Variants in SLC25A28 observed in about 807,000 individuals in gnomAD.
SLC25A28 encodes the protein mitoferrin-2.
Under a neutral mutation model 31.9 loss-of-function variants are expected in SLC25A28, and 10 were observed. The ratio of observed to expected loss-of-function variants is 0.31; its 90% CI spans 0.19 to 0.53. The LOEUF (loss-of-function observed/expected upper bound fraction) is 0.53. SLC25A28 is among the 20% of genes least tolerant of loss of function. The probability of loss-of-function intolerance (pLI) is 0.95; values close to 1 mark genes in which losing one functional copy is unlikely to be tolerated. For synonymous variants in SLC25A28, 208 were observed against 203.6 expected, an observed-to-expected ratio of 1.02 and a Z score of -0.19; for missense variants, 256 against 490.3, an observed-to-expected ratio of 0.52 and a Z score of 4.51.
the SLC25A28 span, among the ~76,000 whole-genome samples, chr10:99,637,828 C>A: frequency 6.6e-6 from 1 of 152,178 alleles, no homozygotes; most frequent in Non-Finnish European, 1.5e-5. Flanking sequence ...ACATCCCATG[C>A]TCATGGATGG....
chr10:99,647,832 A>G, the SLC25A28 span, among the ~76,000 whole-genome samples: 1 of 152,072 alleles, frequency 6.6e-6, no homozygotes, highest in African/African-American at 2.4e-5. Context: ...ATTTTTGTTT[A>G]TGGCGAGAGG....
chr10:99,634,842 A>C, the SLC25A28 span, among the ~76,000 whole-genome samples: 1 of 152,238 alleles, frequency 6.6e-6, no homozygotes, highest in Non-Finnish European at 1.5e-5. Context: ...CAACATTGTC[A>C]TCAGGTCATC....
chr10:99,620,002 G>A lies in SLC25A28; in HGVS notation c.291+43C>T, dbSNP rs770783795. 2.0e-6 allele frequency: 3 copies of A among 1,521,836 alleles called. No individual in the cohort carries two copies. The East Asian group carries it at 7.8e-5, about 40-fold the overall frequency. The allele number at this position is 1,521,836 out of a possible 1,614,324, so 94.3% of individuals were successfully genotyped here. ...TGGCTCCGGACAAGACCCAGGGGTCGGGTCAGCCCCAGGTCGGGTTCGAAG... is the reference window on the plus strand; with the variant it reads ...TGGCTCCGGACAAGACCCAGGGGTCAGGTCAGCCCCAGGTCGGGTTCGAAG... On this transcript the variant is annotated intron_variant, in intron 1 of 3. Coordinates refer to ENST00000370495, the MANE Select transcript of SLC25A28 (RefSeq NM_031212.4).
chr10:99,646,460 C>T, the SLC25A28 span, among the ~76,000 whole-genome samples: 6 of 152,234 alleles, frequency 3.9e-5, no homozygotes, highest in African/African-American at 7.2e-5. Flanking sequence ...CCATCTGTCA[C>T]GGCTTCCCTT....
upstream of SLC25A28, among the ~76,000 whole-genome samples, chr10:99,623,269 C>T (rs1208514233): frequency 9.2e-5 from 14 of 152,122 alleles, no homozygotes; most frequent in Admixed American, 9.2e-4. Context: ...GGAGGGAATA[C>T]AACACGAAGT....
chr10:99,653,433 C>T, the SLC25A28 span, among the ~76,000 whole-genome samples: 164 of 152,278 alleles, frequency 1.1e-3, no homozygotes, highest in Non-Finnish European at 2.1e-3. Flanking sequence ...GCCTATAACC[C>T]CAGCTGACAT....
chr10:99,614,044 TCAG>T (rs1312679994), intron 1 of SLC25A28, 120 bp from the exon 2 acceptor site: 1 of 1,213,706 alleles, frequency 8.2e-7, no homozygotes, highest in Admixed American at 2.9e-5. Flanking sequence ...TATCTGGCTT[TCAG>T]CTTATTTCCA....
At chr10:99,625,420 G>A (rs2024502), upstream of SLC25A28, among the ~76,000 whole-genome samples, 129,921 of 151,964 alleles carry the variant, frequency 0.85, 55,634 homozygotes, top group Middle Eastern at 0.92. Flanking sequence ...GACACAGAGC[G>A]CAGATTGTTG....
At chr10:99,625,046 C>T (rs570161594), upstream of SLC25A28, among the ~76,000 whole-genome samples, 46 of 151,114 alleles carry the variant, frequency 3.0e-4, no homozygotes, top group Admixed American at 4.6e-4. Flanking sequence ...TTAAAGATGG[C>T]GTGTCTGGAG....
At chr10:99,652,410 T>C in the SLC25A28 span, among the ~76,000 whole-genome samples, 1 of 152,116 alleles carries the variant, frequency 6.6e-6, no homozygotes, top group Non-Finnish European at 1.5e-5. Context: ...TTCTCTCATA[T>C]GCTCTTTAAG....
the SLC25A28 span, among the ~76,000 whole-genome samples, chr10:99,642,740 A>G: frequency 0.012 from 1,859 of 152,288 alleles, 46 homozygotes; most frequent in African/African-American, 0.043. Flanking sequence ...GACATGTCCC[A>G]TCAATACCTA....
At chr10:99,639,722 TACACACACACACACAC>T in the SLC25A28 span, among the ~76,000 whole-genome samples, 499 of 131,128 alleles carry the variant, frequency 3.8e-3, 2 homozygotes, top group African/African-American at 0.013. Context: ...GCACCATGGG[TACACACACACACACAC>T]ACACACACAC....
the SLC25A28 span, among the ~76,000 whole-genome samples, chr10:99,631,023 T>C: frequency 6.6e-6 from 1 of 152,014 alleles, no homozygotes; most frequent in Admixed American, 6.6e-5. Flanking sequence ...AAGGAGTAAT[T>C]TTCTGGACAA....
the SLC25A28 span, among the ~76,000 whole-genome samples, chr10:99,626,914 A>G: frequency 6.6e-6 from 1 of 151,994 alleles, no homozygotes; most frequent in African/African-American, 2.4e-5. Flanking sequence ...AGTCACTTTC[A>G]TTCTTTAACC....
the SLC25A28 span, among the ~76,000 whole-genome samples, chr10:99,630,149 G>C: frequency 6.6e-6 from 1 of 151,932 alleles, no homozygotes; most frequent in Non-Finnish European, 1.5e-5. Context: ...TTCTCTTTGA[G>C]ACGGAGTCCC....
At chr10:99,658,950 T>C in the SLC25A28 span, among the ~76,000 whole-genome samples, 2 of 152,198 alleles carry the variant, frequency 1.3e-5, no homozygotes, top group Non-Finnish European at 2.9e-5. Context: ...CACTTTGGTG[T>C]AAACGTCATT....
rs141708632 is a variant in SLC25A28 at position 99,619,389 on chromosome 10, C to G, written c.291+656G>C. On this transcript the variant is annotated intron_variant, in intron 1 of 3. Transcript: ENST00000370495. ...TGAACATACAGTCCTAATCCCAGCT[C>G]AATTTTCATGTTCAGGAAATAGGTG... 3.1e-3 allele frequency: 3,022 copies of G among 985,390 alleles called. 7 individuals carry two copies. Among genetic ancestry groups the G allele is most frequent in the Admixed American group, 3.2e-3 (52 of 16,282 alleles). The allele number at this position is 985,390 out of a possible 1,614,324, so 61.0% of individuals were successfully genotyped here.
upstream of SLC25A28, chr10:99,621,166 G>T: frequency 5.1e-6 from 1 of 195,230 alleles, no homozygotes; most frequent in Non-Finnish European, 9.3e-6. Flanking sequence ...GCGGCGGCCC[G>T]CTAGACTCTG....
intron 1 of SLC25A28, 144 bp downstream of exon 1, chr10:99,619,901 G>A: frequency 1.3e-6 from 1 of 772,820 alleles, no homozygotes; most frequent in South Asian, 2.3e-5. Context: ...CTTGAATGGA[G>A]TGTCGGTTCG....
Sources: gnomAD v4.1 joint callset for allele counts (sites outside exome capture counted in the v4.1 genomes callset) on GRCh38, gnomAD v4.1.1 for gene constraint, MANE v1.5 for transcripts, NCBI Gene and HGNC (gene_info 2026-07-23, HGNC 2026-07-21) for gene names.